The following GRIN2A variants were observed in gnomAD, a reference collection of about 807,000 sequenced individuals.
The protein encoded by GRIN2A is glutamate receptor ionotropic, NMDA 2A.
A neutral mutation model predicts 113.4 loss-of-function variants in GRIN2A; 22 were observed. The observed-to-expected ratio is 0.19, with a 90% CI of 0.14 to 0.28. The LOEUF is 0.28. GRIN2A is among the 10% of genes least tolerant of loss of function. GRIN2A has a pLI of 1.00. For synonymous variants in GRIN2A, 827 were observed against 738.4 expected (o/e 1.12, Z -1.94); for missense variants, 1,502 against 1,887.0 (o/e 0.80, Z 3.78).
intron 2 of GRIN2A, among the ~76,000 whole-genome samples, chr16:10,001,389 CAT>C (rs2046317007): frequency 6.6e-6 from 1 of 152,176 alleles, no homozygotes; most frequent in Non-Finnish European, 1.5e-5. Flanking sequence ...AATAGAGATA[CAT>C]AAGCTTCTGT....
chr16:10,011,519 C>T (rs1470875616), intron 2 of GRIN2A, among the ~76,000 whole-genome samples: 1 of 152,126 alleles, frequency 6.6e-6, no homozygotes, highest in Non-Finnish European at 1.5e-5. Flanking sequence ...CCAAACATTT[C>T]CAACACAGGA....
Position 9,760,545 on chromosome 16 carries a change from G to A in GRIN2A, c.*2604C>T, listed in dbSNP as rs1596371412. ...ATATTTTTTTCACAACATTACTGTT[G>A]ATTCTTCCAAAGGCCACGTTTTCAG... On this transcript the variant is annotated 3_prime_UTR_variant, in exon 13 of 13. Coordinates refer to ENST00000330684, the MANE Select transcript of GRIN2A (RefSeq NM_001134407.3). The A allele has an allele frequency of 4.5e-6, 1 of 220,270 alleles. No individual in the cohort carries two copies. Among genetic ancestry groups the A allele is most frequent in the East Asian group, 6.7e-5 (1 of 14,968 alleles). 13.6% of individuals were successfully genotyped at this position (220,270 alleles called of 1,614,324 possible).
chr16:10,015,976 T>G (rs2046602301), intron 2 of GRIN2A, among the ~76,000 whole-genome samples: 1 of 151,672 alleles, frequency 6.6e-6, no homozygotes, highest in South Asian at 2.1e-4. Flanking sequence ...ATTGGTTGGG[T>G]GTGATGGCAA....
chr16:10,007,742 C>G (rs578011963), intron 2 of GRIN2A, among the ~76,000 whole-genome samples: 5 of 152,068 alleles, frequency 3.3e-5, no homozygotes, highest in African/African-American at 9.6e-5. Flanking sequence ...AAGCAAATGG[C>G]CTTTGACAGG....
chr16:10,118,635 G>A (rs1157569996), intron 2 of GRIN2A, among the ~76,000 whole-genome samples: 1 of 152,192 alleles, frequency 6.6e-6, no homozygotes, highest in Non-Finnish European at 1.5e-5. Context: ...AAAGATTCAA[G>A]TAGCAGACAG....
In GRIN2A at chr16:9,915,377, C is replaced by A. The variant is rs527764473; in HGVS notation, c.1007+22582G>T. Among the ~76,000 whole-genome samples the A allele has an allele frequency of 5.3e-5, 8 of 151,908 alleles. No individual in the cohort carries two copies. The South Asian group carries it at 1.7e-3, about 32-fold the overall frequency. On this transcript the variant is annotated intron_variant, in intron 3 of 12. Coordinates refer to ENST00000330684, the MANE Select transcript of GRIN2A (RefSeq NM_001134407.3). ...ACCACCCTTAATAATAGCCACCTTC[C>A]TTAAGAACAGCACAGACCTACACAA...
chr16:9,968,047 C>G (rs1596371820), intron 2 of GRIN2A, among the ~76,000 whole-genome samples: 1 of 152,212 alleles, frequency 6.6e-6, no homozygotes, highest in East Asian at 1.9e-4. Context: ...TCACGTAAAC[C>G]TCCAGACAAC....
At chr16:10,157,143 G>A (rs1475792475) in intron 2 of GRIN2A, among the ~76,000 whole-genome samples, 6 of 152,152 alleles carry the variant, frequency 3.9e-5, no homozygotes, top group African/African-American at 1.4e-4. Flanking sequence ...TCAGAAGACT[G>A]GAATCAAAGC....
intron 2 of GRIN2A, among the ~76,000 whole-genome samples, chr16:10,016,685 C>A (rs1567236041): frequency 6.6e-6 from 1 of 152,180 alleles, no homozygotes; most frequent in Non-Finnish European, 1.5e-5. Flanking sequence ...GTTTCTCTCC[C>A]CCACTGGGTG....
At chr16:10,034,731 T>A (rs1017312453) in intron 2 of GRIN2A, among the ~76,000 whole-genome samples, 8 of 152,026 alleles carry the variant, frequency 5.3e-5, no homozygotes, top group African/African-American at 1.9e-4. Flanking sequence ...TTCTTAAAGA[T>A]TCCCCAAATC....
At chr16:9,901,122 G>A (rs1445569942) in intron 3 of GRIN2A, among the ~76,000 whole-genome samples, 6 of 152,188 alleles carry the variant, frequency 3.9e-5, no homozygotes, top group Non-Finnish European at 8.8e-5. Flanking sequence ...ATTTTGCCTG[G>A]TTTTTCCTTC....
intron 2 of GRIN2A, among the ~76,000 whole-genome samples, chr16:10,071,189 G>A (rs2047743443): frequency 6.6e-6 from 1 of 152,184 alleles, no homozygotes. Flanking sequence ...ATGGAAATTT[G>A]GGATTTCTAG....
At chr16:10,046,778 G>A (rs2047266841) in intron 2 of GRIN2A, among the ~76,000 whole-genome samples, 1 of 152,156 alleles carries the variant, frequency 6.6e-6, no homozygotes, top group Non-Finnish European at 1.5e-5. Flanking sequence ...AACTCCAAGT[G>A]CTTTGTGGGT....
At chr16:9,872,679 T>C (rs774070368) in intron 4 of GRIN2A, among the ~76,000 whole-genome samples, 8 of 152,198 alleles carry the variant, frequency 5.3e-5, no homozygotes, top group African/African-American at 1.9e-4. Flanking sequence ...TGCAGCAACA[T>C]GGATGGAACT....
chr16:10,165,500 ATATATATATACATATATATATATATATG>A (rs1218913260), intron 2 of GRIN2A, among the ~76,000 whole-genome samples: 3 of 129,326 alleles, frequency 2.3e-5, no homozygotes, highest in Non-Finnish European at 4.9e-5. Flanking sequence ...TATATTTTTG[ATATATATATACATATATATATATATATG>A]TATATATATA....
chr16:9,858,497 C>A (rs1254577197), intron 4 of GRIN2A, among the ~76,000 whole-genome samples: 2 of 151,782 alleles, frequency 1.3e-5, no homozygotes, highest in African/African-American at 2.4e-5. Flanking sequence ...TGGTGATAAG[C>A]CTTTGAGTGT....
Position 9,762,892 on chromosome 16 carries a change from C to T in GRIN2A, c.*257G>A, listed in dbSNP as rs1228377509. The stretch of plus-strand genomic sequence containing the variant: ...CAGTAGGCATGTCCCGGAGACTTGC[C>T]CTTATGTAGTTAGTTATTTTTGGTT... On this transcript the variant is annotated 3_prime_UTR_variant, in exon 13 of 13. Coordinates refer to ENST00000330684, the MANE Select transcript of GRIN2A (RefSeq NM_001134407.3). 7.1e-6 allele frequency: 4 copies of T among 562,072 alleles called. No individual in the cohort carries two copies. Among genetic ancestry groups the T allele is most frequent in the Admixed American group, 6.2e-5 (2 of 32,016 alleles). The allele number at this position is 562,072 out of a possible 1,614,324, so 34.8% of individuals were successfully genotyped here. A position where few individuals can be genotyped will look rare whatever the true frequency, so the allele number is the denominator to read the frequency against.
At chr16:9,841,885 C>T (rs2042686326) in intron 5 of GRIN2A, among the ~76,000 whole-genome samples, 1 of 152,190 alleles carries the variant, frequency 6.6e-6, no homozygotes, top group Non-Finnish European at 1.5e-5. Context: ...CTGTTTTGTA[C>T]CAGCCACCTT....
At chr16:10,036,765 T>C (rs1277416883) in intron 2 of GRIN2A, among the ~76,000 whole-genome samples, 1 of 152,040 alleles carries the variant, frequency 6.6e-6, no homozygotes, top group Non-Finnish European at 1.5e-5. Flanking sequence ...TTTTTTAAGA[T>C]TGTATGCATC....
Sources: gnomAD v4.1 joint callset for allele counts (sites outside exome capture counted in the v4.1 genomes callset) on GRCh38, gnomAD v4.1.1 for gene constraint, MANE v1.5 for transcripts, NCBI Gene and HGNC (gene_info 2026-07-23, HGNC 2026-07-21) for gene names.